The following NMUR2 variants were observed in gnomAD, a reference collection of about 807,000 sequenced individuals.
NMUR2 encodes neuromedin U receptor 2.
A neutral mutation model predicts 25.1 loss-of-function variants in NMUR2; 24 were observed. The ratio of observed to expected loss-of-function variants is 0.96; its 90% CI spans 0.69 to 1.34. The LOEUF is 1.34. Ranked by LOEUF, NMUR2 falls within the 40% of genes most tolerant of loss-of-function variation. The pLI, the probability that NMUR2 is intolerant of heterozygous loss-of-function variation, is 0.00. For missense variants in NMUR2, 533 were observed against 512.8 expected (o/e 1.04, Z -0.38); for synonymous variants, 218 against 208.1 (o/e 1.05, Z -0.41).
chr5:152,400,881 G>A (rs572376851), intron 1 of NMUR2, among the ~76,000 whole-genome samples: 10 of 152,100 alleles, frequency 6.6e-5, no homozygotes, highest in Non-Finnish European at 1.0e-4. Flanking sequence ...AATAGTTCAC[G>A]CAATTCTTTT....
Position 152,392,085 on chromosome 5 carries a change from T to C in NMUR2, c.*106A>G. 1.0e-6 allele frequency: 1 copy of C among 969,944 alleles called. No individual in the cohort carries two copies. The highest frequency in any genetic ancestry group is 1.6e-6 in the Non-Finnish European group (1 of 642,130). 60.1% of individuals were successfully genotyped at this position (969,944 alleles called of 1,614,324 possible). ...AAAAAACTAGCAATGGGTACATGAG[T>C]TGTAAGAGCCATTCTACCTCTCTAA... On this transcript the variant is annotated 3_prime_UTR_variant, in exon 4 of 4. Coordinates refer to ENST00000255262, the MANE Select transcript of NMUR2 (RefSeq NM_020167.5).
chr5:152,398,741 T>C (rs1318100683), intron 1 of NMUR2, among the ~76,000 whole-genome samples: 4 of 152,194 alleles, frequency 2.6e-5, no homozygotes, highest in African/African-American at 9.6e-5. Flanking sequence ...ATAGTGTTTA[T>C]TTGAGTAAAC....
At chr5:152,402,268 G>A (rs542852612) in intron 1 of NMUR2, among the ~76,000 whole-genome samples, 1 of 152,130 alleles carries the variant, frequency 6.6e-6, no homozygotes, top group Non-Finnish European at 1.5e-5. Context: ...GTGGCAGACA[G>A]TAGGAACATT....
In NMUR2 at chr5:152,392,110, A is replaced by T. The variant is rs960213596; in HGVS notation, c.*81T>A. 2.3e-5 allele frequency: 28 copies of T among 1,211,338 alleles called. No individual in the cohort carries two copies. Among genetic ancestry groups the T allele is most frequent in the Non-Finnish European group, 3.3e-5 (28 of 852,334 alleles). The allele number at this position is 1,211,338 out of a possible 1,614,324, so 75.0% of individuals were successfully genotyped here. On this transcript the variant is annotated 3_prime_UTR_variant, in exon 4 of 4. Coordinates refer to ENST00000255262, the MANE Select transcript of NMUR2 (RefSeq NM_020167.5). ...TTGTAAGAGCCATTCTACCTCTCTA[A>T]TATCATATGAGAAGGCATACATTAT... is the stretch of plus-strand genomic sequence containing the variant.
chr5:152,392,881 A>G (rs1406059813), intron 3 of NMUR2, among the ~76,000 whole-genome samples: 1 of 152,186 alleles, frequency 6.6e-6, no homozygotes, highest in Admixed American at 6.5e-5. Flanking sequence ...TTAAATCTAT[A>G]ATTTGGGATT....
intron 1 of NMUR2, among the ~76,000 whole-genome samples, chr5:152,399,209 G>GAAA (rs1753215023): frequency 6.6e-6 from 1 of 152,130 alleles, no homozygotes; most frequent in Non-Finnish European, 1.5e-5. Flanking sequence ...AATTAGTATA[G>GAAA]TACATAGTGA....
chr5:152,392,079 C>A lies in NMUR2; in HGVS notation c.*112G>T. ...AAAAAAAAAAAACTAGCAATGGGTA[C>A]ATGAGTTGTAAGAGCCATTCTACCT... On this transcript the variant is annotated 3_prime_UTR_variant, in exon 4 of 4. Transcript: ENST00000255262. The A allele has an allele frequency of 1.1e-6, 1 of 905,832 alleles. No homozygotes were observed. The highest frequency in any genetic ancestry group is 1.7e-6 in the Non-Finnish European group (1 of 587,456). The allele number at this position is 905,832 out of a possible 1,614,324, so 56.1% of individuals were successfully genotyped here.
Position 152,401,667 on chromosome 5 carries a change from C to G in NMUR2, c.726+2721G>C, listed in dbSNP as rs1753256490. ...TGTAAGAACTAAATCAGACTGTCAC[C>G]AGAACTTCCTCCCACATGTGGAGGG... On this transcript the variant is annotated intron_variant, in intron 1 of 3. Coordinates refer to ENST00000255262, the MANE Select transcript of NMUR2 (RefSeq NM_020167.5). Among the ~76,000 whole-genome samples, 4 of 152,288 alleles carry G rather than the reference C, an allele frequency of 2.6e-5. No individual in the cohort carries two copies. In the South Asian group the frequency reaches 8.3e-4, roughly 32 times the overall value.
chr5:152,391,925 TTTCCAGTCACG>T lies in NMUR2; in HGVS notation c.*255_*265del, dbSNP rs1405160771. 1 of 365,676 alleles carries T rather than the reference TTTCCAGTCACG, an allele frequency of 2.7e-6. No individual in the cohort carries two copies. The highest frequency in any genetic ancestry group is 4.9e-5 in the East Asian group (1 of 20,280). The allele number at this position is 365,676 out of a possible 1,614,324, so 22.7% of individuals were successfully genotyped here. ...TTAATCAAGGTATAGGTGCCATGCC[TTTCCAGTCACG>T]TTCTTGGCATGAACTAGTGAAGGGG... On this transcript the variant is annotated 3_prime_UTR_variant, in exon 4 of 4. Transcript: ENST00000255262.
chr5:152,398,117 C>T lies in NMUR2; in HGVS notation c.754G>A (p.Asp252Asn), dbSNP rs1348124943. Reference protein sequence around the residue: ...RLKKDKSLEADEGNANIQRPC... With the variant: ...RLKKDKSLEANEGNANIQRPC... ...CTTTGAATATTTGCATTCCCTTCAT[C>T]TGCCTCAAGAGATTTGTCTTTCTTT... Residue 252 changes from aspartate to asparagine, a missense_variant, in exon 2 of 4, where the codon GAT (aspartate) becomes AAT (asparagine). Transcript: ENST00000255262. 3 of 1,613,310 alleles carry T rather than the reference C, an allele frequency of 1.9e-6. No homozygotes were observed. The highest frequency in any genetic ancestry group is 2.2e-5 in the South Asian group (2 of 90,974).
At chr5:152,398,009 T>C (rs1204342455) in intron 2 of NMUR2, 51 bp downstream of exon 2, 1 of 1,309,474 alleles carries the variant, frequency 7.6e-7, no homozygotes, top group African/African-American at 1.5e-5. Flanking sequence ...CAAATGTACC[T>C]CCTTTGCTCT....
rs758601991 is a variant in NMUR2, at chr5:152,404,733, C to T, written c.381G>A (p.Glu127=). 16 of 1,614,028 alleles carry T rather than the reference C, an allele frequency of 9.9e-6. No individual in the cohort carries two copies. The highest frequency in any genetic ancestry group is 1.4e-5 in the Non-Finnish European group (16 of 1,180,054). ...TGAGGATGGAGGCGAAGCACACGGT[C>T]TCAAAGAGGGCCGTCTTGAAGTAGC... The part of the protein sequence containing the change: ...VGCYFKTALF[E]TVCFASILSI... The change falls in exon 1 of 4, where the codon GAG becomes GAA. Residue 127 remains glutamate (E), a synonymous_variant. Transcript: ENST00000255262.
intron 1 of NMUR2, among the ~76,000 whole-genome samples, chr5:152,403,275 T>G (rs1375666722): frequency 6.6e-6 from 1 of 152,198 alleles, no homozygotes; most frequent in Admixed American, 6.5e-5. Context: ...TAAAGGCATA[T>G]TATATGTCAG....
At chr5:152,402,049 G>A (rs1055158817) in intron 1 of NMUR2, among the ~76,000 whole-genome samples, 2 of 152,166 alleles carry the variant, frequency 1.3e-5, no homozygotes, top group African/African-American at 4.8e-5. Flanking sequence ...CATTCACTGA[G>A]CTTACAGTCT....
Position 152,405,255 on chromosome 5 carries a change from G to C in NMUR2, c.-142C>G. The stretch of plus-strand genomic sequence containing the variant: ...AGGCTTCGTAAGGAAGGCTGGGAGA[G>C]AGTGAGTGTTTCACCCTCCAGGTTA... On this transcript the variant is annotated 5_prime_UTR_variant, in exon 1 of 4. Coordinates refer to ENST00000255262, the MANE Select transcript of NMUR2 (RefSeq NM_020167.5). The C allele has an allele frequency of 1.0e-6, 1 of 996,668 alleles. No homozygotes were observed. Among genetic ancestry groups the C allele is most frequent in the Non-Finnish European group, 1.4e-6 (1 of 695,770 alleles). The allele number at this position is 996,668 out of a possible 1,614,324, so 61.7% of individuals were successfully genotyped here.
intron 3 of NMUR2, 123 bp downstream of exon 3, chr5:152,395,336 G>A: frequency 1.8e-6 from 2 of 1,083,446 alleles, no homozygotes; most frequent in African/African-American, 1.6e-5. Flanking sequence ...AAAATCAAAT[G>A]TCTTCATTAT....
Position 152,404,973 on chromosome 5 carries a change from G to A in NMUR2, c.141C>T (p.Pro47=), listed in dbSNP as rs995955791. The change falls in exon 1 of 4, where the codon CCC becomes CCT. Residue 47 remains proline (P), a synonymous_variant. Coordinates refer to ENST00000255262, the MANE Select transcript of NMUR2 (RefSeq NM_020167.5). ...CGPRRSHFFL[P]VSVVYVPIFV... is the part of the protein sequence containing the mutation. ...AAATTGGCACATACACCACAGACACGGGGAGGAAGAAGTGGCTGCGCCGAG... is the reference window on the plus strand; with the variant it reads ...AAATTGGCACATACACCACAGACACAGGGAGGAAGAAGTGGCTGCGCCGAG... 9 of 1,613,846 alleles carry A rather than the reference G, an allele frequency of 5.6e-6. No individual in the cohort carries two copies. The highest frequency in any genetic ancestry group is 6.8e-6 in the Non-Finnish European group (8 of 1,179,990).
At chr5:152,394,032 G>GT (rs367915079) in intron 3 of NMUR2, among the ~76,000 whole-genome samples, 21,782 of 151,716 alleles carry the variant, frequency 0.14, 2,034 homozygotes, top group Admixed American at 0.23. Flanking sequence ...TTAATCTAGT[G>GT]GCTAATATAA....
intron 2 of NMUR2, 24 bp downstream of exon 2, chr5:152,398,035 AC>A: frequency 6.3e-7 from 1 of 1,583,240 alleles, no homozygotes; most frequent in South Asian, 1.1e-5. Flanking sequence ...ACAAAACAAA[AC>A]AAAAAACAAA....
Sources: gnomAD v4.1 joint callset for allele counts (sites outside exome capture counted in the v4.1 genomes callset) on GRCh38, gnomAD v4.1.1 for gene constraint, MANE v1.5 for transcripts, NCBI Gene and HGNC (gene_info 2026-07-23, HGNC 2026-07-21) for gene names.